Variants in NOL4 observed in about 807,000 individuals in gnomAD.
NOL4 encodes nucleolar protein 4.
Under a neutral mutation model 75.9 loss-of-function variants are expected in NOL4, and 17 were observed. That is an observed-to-expected ratio of 0.22 (90% CI 0.15 to 0.34). NOL4 has a LOEUF of 0.34. NOL4 is among the 10% of genes least tolerant of loss of function. The pLI, the probability that NOL4 is intolerant of heterozygous loss-of-function variation, is 1.00. For missense variants in NOL4, 614 were observed against 793.5 expected (o/e 0.77, Z 2.72); for synonymous variants, 292 against 289.9 (o/e 1.01, Z -0.07).
chr18:33,932,380 G>A (rs1387736788), intron 9 of NOL4, among the ~76,000 whole-genome samples: 1 of 151,916 alleles, frequency 6.6e-6, no homozygotes, highest in Admixed American at 6.6e-5. Context: ...GTTAAGACAA[G>A]CTTTTAATAG....
intron 5 of NOL4, among the ~76,000 whole-genome samples, chr18:34,088,681 T>C (rs1443948667): frequency 6.6e-6 from 1 of 152,100 alleles, no homozygotes; most frequent in East Asian, 1.9e-4. Context: ...AACCTTTAAA[T>C]GATTTTAACT....
At chr18:34,087,854 C>T (rs2078318776) in intron 5 of NOL4, among the ~76,000 whole-genome samples, 1 of 151,346 alleles carries the variant, frequency 6.6e-6, no homozygotes, top group South Asian at 2.1e-4. Flanking sequence ...ACTATGGAGG[C>T]CAAAAGGCTC....
At chr18:33,993,895 C>T (rs546055505) in intron 6 of NOL4, among the ~76,000 whole-genome samples, 2 of 151,548 alleles carry the variant, frequency 1.3e-5, no homozygotes, top group East Asian at 3.9e-4. Flanking sequence ...CAAAATACAA[C>T]TTTTTTAAAA....
intron 5 of NOL4, among the ~76,000 whole-genome samples, chr18:34,058,550 C>T (rs969416868): frequency 2.0e-5 from 3 of 152,154 alleles, no homozygotes; most frequent in Admixed American, 6.5e-5. Flanking sequence ...ACTGGAAAAA[C>T]CCTCACAGAC....
chr18:33,964,434 CAAGA>C (rs541145011), intron 6 of NOL4, among the ~76,000 whole-genome samples: 51 of 132,102 alleles, frequency 3.9e-4, no homozygotes, highest in African/African-American at 9.1e-4. Context: ...AACTCACCAT[CAAGA>C]AAGAAAGAAA....
At chr18:34,179,923 G>A (rs1194424403) in intron 1 of NOL4, among the ~76,000 whole-genome samples, 2 of 151,262 alleles carry the variant, frequency 1.3e-5, no homozygotes, top group African/African-American at 2.4e-5. Context: ...CACCCCAAAT[G>A]GAGTAAGACA....
At chr18:33,900,588 A>G (rs1469702337) in intron 9 of NOL4, among the ~76,000 whole-genome samples, 2 of 152,196 alleles carry the variant, frequency 1.3e-5, no homozygotes, top group Admixed American at 1.3e-4. Flanking sequence ...TAAAATGTAA[A>G]CATTGAAAAT....
chr18:34,017,260 T>C (rs577210293), intron 6 of NOL4, among the ~76,000 whole-genome samples: 1 of 152,250 alleles, frequency 6.6e-6, no homozygotes, highest in African/African-American at 2.4e-5. Context: ...TGTATCCTCT[T>C]TCTCAAAATT....
In NOL4 at chr18:33,864,748, T is replaced by A. The variant is rs138959792; in HGVS notation, c.1724-11713A>T. Among the ~76,000 whole-genome samples the A allele has an allele frequency of 1.3e-3, 197 of 152,334 alleles. 3 individuals are homozygous for A. The East Asian group carries it at 0.029, about 23-fold the overall frequency. ...TCTCACACTGCTATAAGGAAATACCTGAGACTGGATAATTTATAAAGGAAA... is the reference window on the plus strand; with the variant it reads ...TCTCACACTGCTATAAGGAAATACCAGAGACTGGATAATTTATAAAGGAAA... On this transcript the variant is annotated intron_variant, in intron 10 of 10. Transcript: ENST00000261592.
At chr18:34,082,516 T>C (rs2078058140) in intron 5 of NOL4, among the ~76,000 whole-genome samples, 1 of 152,198 alleles carries the variant, frequency 6.6e-6, no homozygotes, top group Admixed American at 6.5e-5. Flanking sequence ...CTTTTAAAAA[T>C]AATTTGATTT....
chr18:33,859,269 C>T (rs529331988), intron 10 of NOL4, among the ~76,000 whole-genome samples: 2 of 152,026 alleles, frequency 1.3e-5, no homozygotes, highest in South Asian at 4.1e-4. Flanking sequence ...GCATTTTCAT[C>T]TTTGATAATT....
chr18:34,085,790 A>T (rs1169376628), intron 5 of NOL4, among the ~76,000 whole-genome samples: 1 of 152,186 alleles, frequency 6.6e-6, no homozygotes, highest in Non-Finnish European at 1.5e-5. Context: ...CCTATCCTTT[A>T]TATGTAAGTC....
intron 1 of NOL4, among the ~76,000 whole-genome samples, chr18:34,202,729 T>C (rs1853674817): frequency 6.6e-6 from 1 of 151,992 alleles, no homozygotes; most frequent in South Asian, 2.1e-4. Flanking sequence ...CACTGAATAA[T>C]TGCTCATAAA....
chr18:33,868,648 T>TTC (rs1396996036), intron 10 of NOL4, among the ~76,000 whole-genome samples: 32 of 88,712 alleles, frequency 3.6e-4, no homozygotes, highest in Middle Eastern at 6.1e-3. Flanking sequence ...ATTCCTGTAT[T>TTC]TCACACACAC....
chr18:34,105,150 C>G lies in NOL4; in HGVS notation c.425G>C (p.Ser142Thr), dbSNP rs764588344. Residue 142 changes from serine to threonine, a missense_variant, in exon 3 of 11, where the codon AGC (serine) becomes ACC (threonine). Around this residue, in one of 9 missense-constraint regions of NOL4, gnomAD observed 135 missense variants for 220.4 expected, o/e 0.61. Coordinates refer to ENST00000261592, the MANE Select transcript of NOL4 (RefSeq NM_003787.5). Reference sequence around the variant, plus strand: ...CGCTTCTCTTGGTAGGAAGGCATAGCTCTCTGAAATCTGAAATGATTCACA... The same window carrying G: ...CGCTTCTCTTGGTAGGAAGGCATAGGTCTCTGAAATCTGAAATGATTCACA... ...QKRTYKAISESYAFLPREAVT... is the reference protein window; with the variant it reads ...QKRTYKAISETYAFLPREAVT... 6.2e-7 allele frequency: 1 copy of G among 1,607,108 alleles called. No individual in the cohort carries two copies.
intron 5 of NOL4, among the ~76,000 whole-genome samples, chr18:34,053,605 C>A (rs1268133801): frequency 6.6e-6 from 1 of 151,858 alleles, no homozygotes; most frequent in African/African-American, 2.4e-5. Context: ...TCTCTATTAT[C>A]ACTCTACTAT....
At chr18:33,895,437 T>C (rs2065340875) in intron 9 of NOL4, among the ~76,000 whole-genome samples, 1 of 152,158 alleles carries the variant, frequency 6.6e-6, no homozygotes, top group Admixed American at 6.6e-5. Context: ...GTATTTTTTA[T>C]AGGTTGGTAA....
chr18:34,100,089 TC>T (rs1170183222), intron 4 of NOL4, among the ~76,000 whole-genome samples: 1 of 151,344 alleles, frequency 6.6e-6, no homozygotes, highest in Non-Finnish European at 1.5e-5. Flanking sequence ...GCAGAACAAT[TC>T]CATAATCTCC....
intron 6 of NOL4, among the ~76,000 whole-genome samples, chr18:33,991,685 A>T (rs2072927151): frequency 6.6e-6 from 1 of 152,018 alleles, no homozygotes; most frequent in Non-Finnish European, 1.5e-5. Context: ...AGCTAGCCAC[A>T]TGTACCAATT....
Sources: gnomAD v4.1 joint callset for allele counts (sites outside exome capture counted in the v4.1 genomes callset) on GRCh38, gnomAD v4.1.1 for gene constraint, gnomAD v4.1.1 regional missense constraint, MANE v1.5 for transcripts, NCBI Gene and HGNC (gene_info 2026-07-23, HGNC 2026-07-21) for gene names.